GPHN: variants seen among roughly 807,000 people sequenced by gnomAD.
The protein encoded by GPHN is gephyrin.
GPHN carries 17 observed loss-of-function variants against 95.5 expected under a neutral mutation model. The observed-to-expected ratio is 0.18, with a 90% CI of 0.12 to 0.27. The LOEUF is 0.27. Among genes scored for constraint, GPHN ranks in the 10% least tolerant of loss-of-function variants. The pLI, the probability that GPHN is intolerant of heterozygous loss-of-function variation, is 1.00. For synonymous variants in GPHN, 320 were observed against 322.5 expected (o/e 0.99, Z 0.08); for missense variants, 660 against 978.1 (o/e 0.67, Z 4.34).
rs534703936 is a variant in GPHN at position 67,116,264 on chromosome 14, A to G, written c.1626+3093A>G. 1.5e-3 allele frequency among the ~76,000 whole-genome samples: 221 copies of G among 146,980 alleles called. 1 individual carries two copies. Among genetic ancestry groups the G allele is most frequent in the African/African-American group, 5.3e-3 (219 of 40,948 alleles). On this transcript the variant is annotated intron_variant, in intron 16 of 22. Transcript: ENST00000478722. Reference sequence around the variant, plus strand: ...CAGCCTGGGAAACAGAGTGAGACAAAGAAAGAAAAGAAAAAGAAAGAAAGA... The same window carrying G: ...CAGCCTGGGAAACAGAGTGAGACAAGGAAAGAAAAGAAAAAGAAAGAAAGA...
intron 18 of GPHN, among the ~76,000 whole-genome samples, chr14:67,156,984 AAG>A (rs1169227234): frequency 6.6e-6 from 1 of 151,958 alleles, no homozygotes; most frequent in Admixed American, 6.5e-5. Context: ...AAAAAAAAAA[AAG>A]AAAAATTATA....
chr14:67,722,680 C>T, the GPHN span: 6 of 1,613,814 alleles, frequency 3.7e-6, no homozygotes, highest in African/African-American at 1.3e-5. Context: ...TCCTTCTTCT[C>T]GTTCCTGTAT....
intron 10 of GPHN, among the ~76,000 whole-genome samples, chr14:67,034,439 CAAT>C (rs1354489385): frequency 6.6e-6 from 1 of 151,862 alleles, no homozygotes; most frequent in East Asian, 1.9e-4. Flanking sequence ...CAACATGTGC[CAAT>C]AATAAGGCCT....
At chr14:67,304,489 A>G in the GPHN span, among the ~76,000 whole-genome samples, 1 of 152,216 alleles carries the variant, frequency 6.6e-6, no homozygotes, top group African/African-American at 2.4e-5. Context: ...GATATATGCT[A>G]CAACATGGAT....
chr14:67,321,214 A>G, the GPHN span: 1 of 1,614,244 alleles, frequency 6.2e-7, no homozygotes, highest in Non-Finnish European at 8.5e-7. Context: ...CTGTACGGCA[A>G]GTGATCAACT....
rs1195209474 is a variant in GPHN, at chr14:66,553,018, T to C, written c.64+44427T>C. Among the ~76,000 whole-genome samples the C allele has an allele frequency of 2.3e-4, 35 of 151,904 alleles. 1 individual carries two copies. The highest frequency in any genetic ancestry group is 7.7e-4 in the African/African-American group (32 of 41,370). On this transcript the variant is annotated intron_variant, in intron 1 of 22. Transcript: ENST00000478722. ...CTTTTTTCTTTTTTTAGACAAGAGTTTCGTTGTTGTTTCCCAGGCTGGAGT... is the reference window on the plus strand; with the variant it reads ...CTTTTTTCTTTTTTTAGACAAGAGTCTCGTTGTTGTTTCCCAGGCTGGAGT...
chr14:67,030,488 A>C lies in GPHN; in HGVS notation c.1006+6813A>C, dbSNP rs183366828. 1.5e-3 allele frequency among the ~76,000 whole-genome samples: 228 copies of C among 152,234 alleles called. No homozygotes were observed. In the Middle Eastern group the frequency reaches 0.02, roughly 14 times the overall value. On this transcript the variant is annotated intron_variant, in intron 10 of 22. Transcript: ENST00000478722. ...TTGGCTTCTGCTTATCTCTAGTTTT[A>C]CCTGGAATTCAGTGCACCAGCCATA...
chr14:67,217,286 C>T, the GPHN span, among the ~76,000 whole-genome samples: 2 of 151,888 alleles, frequency 1.3e-5, no homozygotes, highest in Admixed American at 1.3e-4. Context: ...CACTTTCAGT[C>T]TATATGCATC....
intron 2 of GPHN, among the ~76,000 whole-genome samples, chr14:66,687,957 A>C (rs1319307517): frequency 6.6e-6 from 1 of 152,128 alleles, no homozygotes; most frequent in African/African-American, 2.4e-5. Flanking sequence ...TATTTGGTGT[A>C]TTGCTCCTGC....
At chr14:67,096,940 G>A (rs939797208) in intron 12 of GPHN, among the ~76,000 whole-genome samples, 11 of 151,876 alleles carry the variant, frequency 7.2e-5, no homozygotes, top group Admixed American at 3.3e-4. Flanking sequence ...AATATATATG[G>A]ATCAGCAAAA....
At position 67,181,652 on chromosome 14, in the gene GPHN, G is replaced by A. The variant is rs901079325; in HGVS notation, c.*715G>A. On this transcript the variant is annotated 3_prime_UTR_variant, in exon 23 of 23. Transcript: ENST00000478722. ...TACAGAACAAAAAAATAAAATCAAAGACTGATCTTGTACAGATATTAGTGT... is the reference window on the plus strand; with the variant it reads ...TACAGAACAAAAAAATAAAATCAAAAACTGATCTTGTACAGATATTAGTGT... The A allele has an allele frequency of 1.3e-5, 4 of 308,866 alleles. No individual in the cohort carries two copies. The highest frequency in any genetic ancestry group is 6.6e-5 in the African/African-American group (3 of 45,186). The allele number at this position is 308,866 out of a possible 1,614,324, so 19.1% of individuals were successfully genotyped here. A position where few individuals can be genotyped will look rare whatever the true frequency, so the allele number is the denominator to read the frequency against.
At chr14:66,539,822 TG>T (rs1365538180) in intron 1 of GPHN, among the ~76,000 whole-genome samples, 1 of 152,158 alleles carries the variant, frequency 6.6e-6, no homozygotes, top group Non-Finnish European at 1.5e-5. Context: ...AAATAGGAGA[TG>T]GTTATCTGCA....
At chr14:66,605,710 G>T (rs1440204343) in intron 1 of GPHN, among the ~76,000 whole-genome samples, 1 of 151,260 alleles carries the variant, frequency 6.6e-6, no homozygotes, top group African/African-American at 2.4e-5. Flanking sequence ...TTTCTATTTT[G>T]TTTAGTAGAG....
chr14:66,707,455 C>T (rs1167813658), intron 2 of GPHN, among the ~76,000 whole-genome samples: 1 of 152,174 alleles, frequency 6.6e-6, no homozygotes, highest in African/African-American at 2.4e-5. Context: ...AAATGTGGTA[C>T]ATATGCACCA....
intron 5 of GPHN, among the ~76,000 whole-genome samples, chr14:66,893,464 G>T (rs1266057688): frequency 2.0e-5 from 3 of 152,176 alleles, no homozygotes; most frequent in African/African-American, 7.2e-5. Flanking sequence ...AGACAGGGAT[G>T]CCCTCTCTCA....
chr14:67,601,966 A>G, the GPHN span, among the ~76,000 whole-genome samples: 1 of 151,570 alleles, frequency 6.6e-6, no homozygotes, highest in Non-Finnish European at 1.5e-5. Context: ...CTTCATTCAG[A>G]ATTTTATTTC....
the GPHN span, among the ~76,000 whole-genome samples, chr14:67,193,423 T>A: frequency 2.1e-5 from 3 of 142,116 alleles, no homozygotes; most frequent in Middle Eastern, 5.0e-3. Flanking sequence ...ATATCTATAT[T>A]TATATCTGTA....
chr14:67,050,675 A>G (rs542169743), intron 10 of GPHN, among the ~76,000 whole-genome samples: 3 of 152,154 alleles, frequency 2.0e-5, no homozygotes, highest in South Asian at 4.2e-4. Flanking sequence ...AAAAAAAAAC[A>G]AGGAGGGGCC....
the GPHN span, chr14:67,359,933 C>A: frequency 1.8e-6 from 1 of 561,360 alleles, no homozygotes; most frequent in Non-Finnish European, 3.1e-6. Context: ...GCGCGCGCAC[C>A]GCGGAACCAC....
Sources: gnomAD v4.1 joint callset for allele counts (sites outside exome capture counted in the v4.1 genomes callset) on GRCh38, gnomAD v4.1.1 for gene constraint, MANE v1.5 for transcripts, NCBI Gene and HGNC (gene_info 2026-07-23, HGNC 2026-07-21) for gene names.